Variants in RALGPS1 observed in about 807,000 individuals in gnomAD.
RALGPS1 encodes the protein ras-specific guanine nucleotide-releasing factor RalGPS1.
RALGPS1 carries 19 observed loss-of-function variants against 78.8 expected under a neutral mutation model. The observed-to-expected ratio is 0.24, with a 90% CI of 0.17 to 0.35. RALGPS1 has a LOEUF of 0.35. Ranked by LOEUF, RALGPS1 falls within the 10% of genes least tolerant of loss-of-function variation. The probability of loss-of-function intolerance (pLI) is 1.00; values close to 1 mark genes in which losing one functional copy is unlikely to be tolerated. For synonymous variants in RALGPS1, 228 were observed against 256.3 expected (o/e 0.89, Z 1.06); for missense variants, 454 against 688.3 (o/e 0.66, Z 3.81).
At chr9:127,050,417 G>A (rs573701110) in intron 6 of RALGPS1, among the ~76,000 whole-genome samples, 18 of 152,320 alleles carry the variant, frequency 1.2e-4, no homozygotes, top group Admixed American at 3.3e-4. Context: ...CAGTCTCTCC[G>A]CAAGGCAGGA....
At chr9:127,034,309 G>C in intron 4 of RALGPS1, 122 bp from the exon 5 acceptor site, 1 of 818,980 alleles carries the variant, frequency 1.2e-6, no homozygotes, top group Non-Finnish European at 2.1e-6. Flanking sequence ...TAGTAAAGAT[G>C]GGAACAGCCA....
chr9:126,990,280 C>G, intron 4 of RALGPS1: 1 of 362,738 alleles, frequency 2.8e-6, no homozygotes, highest in Admixed American at 4.4e-5. Context: ...TAGTCTAATC[C>G]ACTGCCATCC....
At chr9:127,204,667 G>T (rs901190369) in intron 14 of RALGPS1, among the ~76,000 whole-genome samples, 1 of 152,200 alleles carries the variant, frequency 6.6e-6, no homozygotes, top group Non-Finnish European at 1.5e-5. Context: ...GTGCTGTGGG[G>T]TGGTGCTGTA....
At chr9:127,182,783 C>T (rs995788180) in intron 11 of RALGPS1, among the ~76,000 whole-genome samples, 5 of 152,082 alleles carry the variant, frequency 3.3e-5, no homozygotes, top group Non-Finnish European at 7.3e-5. Context: ...TATAGTAATG[C>T]AAATGTACTA....
At position 127,074,553 on chromosome 9, in the gene RALGPS1, C is replaced by T. The variant is rs61553612; in HGVS notation, c.610+5197C>T. ...TACCGTGAGGGTAGCCTAGTGCAGC[C>T]CACGGGTTCCACTAGCAGAGGTGTT... On this transcript the variant is annotated intron_variant, in intron 8 of 18. Coordinates refer to ENST00000259351, the MANE Select transcript of RALGPS1 (RefSeq NM_014636.3). Among the ~76,000 whole-genome samples, 1,365 of 152,300 alleles carry T rather than the reference C, an allele frequency of 9.0e-3. 24 individuals carry two copies. Among genetic ancestry groups the T allele is most frequent in the African/African-American group, 0.031 (1,295 of 41,554 alleles).
intron 4 of RALGPS1, among the ~76,000 whole-genome samples, chr9:127,019,588 A>C (rs1025520540): frequency 1.3e-5 from 2 of 152,070 alleles, no homozygotes; most frequent in African/African-American, 4.8e-5. Flanking sequence ...CGGCCTCCCA[A>C]AATGCTGGGA....
At chr9:126,960,719 T>C (rs2038830812) in intron 1 of RALGPS1, among the ~76,000 whole-genome samples, 1 of 152,160 alleles carries the variant, frequency 6.6e-6, no homozygotes, top group Non-Finnish European at 1.5e-5. Flanking sequence ...GGGCTAGATC[T>C]TGCTCTCCAG....
chr9:126,931,912 C>T (rs1225088158), intron 1 of RALGPS1, among the ~76,000 whole-genome samples: 3 of 151,928 alleles, frequency 2.0e-5, no homozygotes, highest in Non-Finnish European at 2.9e-5. Flanking sequence ...AGACATTTTT[C>T]TGTGTGTCTG....
At chr9:127,068,055 C>T (rs568411862) in intron 7 of RALGPS1, among the ~76,000 whole-genome samples, 83 of 152,246 alleles carry the variant, frequency 5.5e-4, no homozygotes, top group Non-Finnish European at 9.8e-4. Flanking sequence ...CACATTGAGC[C>T]GCCATTTACA....
chr9:127,186,530 G>T (rs1438094319), intron 11 of RALGPS1, among the ~76,000 whole-genome samples: 1 of 152,274 alleles, frequency 6.6e-6, no homozygotes, highest in African/African-American at 2.4e-5. Context: ...CTGTCACGTG[G>T]TGGCCACCCC....
At chr9:126,996,255 G>T (rs1449452061) in intron 4 of RALGPS1, among the ~76,000 whole-genome samples, 1 of 152,012 alleles carries the variant, frequency 6.6e-6, no homozygotes, top group Non-Finnish European at 1.5e-5. Flanking sequence ...TGGTTTTTTT[G>T]AAAAGATCAA....
chr9:127,105,830 A>G (rs999092), intron 8 of RALGPS1, among the ~76,000 whole-genome samples: 58,486 of 152,096 alleles, frequency 0.38, 12,912 homozygotes, highest in Non-Finnish European at 0.48. Flanking sequence ...GTCAGGGACC[A>G]CAATTGTCAC....
At chr9:126,990,254 C>G in intron 4 of RALGPS1, 2 of 474,174 alleles carry the variant, frequency 4.2e-6, no homozygotes, top group African/African-American at 2.0e-5. Flanking sequence ...GACCATCTCT[C>G]TCTGCTACAC....
intron 3 of RALGPS1, among the ~76,000 whole-genome samples, chr9:126,976,786 C>A (rs937001749): frequency 6.6e-6 from 1 of 152,184 alleles, no homozygotes; most frequent in Non-Finnish European, 1.5e-5. Context: ...GTCACAGAGG[C>A]ATCTCTTAAC....
intron 8 of RALGPS1, chr9:127,088,081 G>A (rs189408102): frequency 6.5e-6 from 1 of 152,762 alleles, no homozygotes; most frequent in Admixed American, 6.5e-5. Flanking sequence ...GACAGAAAAG[G>A]CAAGGAGTAG....
chr9:127,109,611 C>G (rs954297731), intron 8 of RALGPS1, among the ~76,000 whole-genome samples: 10 of 152,234 alleles, frequency 6.6e-5, no homozygotes, highest in African/African-American at 2.4e-4. Flanking sequence ...GAATGTGTCT[C>G]CAGATTTGCT....
intron 8 of RALGPS1, among the ~76,000 whole-genome samples, chr9:127,078,692 G>A (rs555956130): frequency 7.2e-5 from 11 of 152,218 alleles, no homozygotes; most frequent in African/African-American, 2.6e-4. Context: ...CTTTTCTCTG[G>A]GTCAAGAAGT....
At chr9:127,194,676 T>TTG (rs2061259118) in intron 11 of RALGPS1, among the ~76,000 whole-genome samples, 1 of 152,112 alleles carries the variant, frequency 6.6e-6, no homozygotes, top group African/African-American at 2.4e-5. Context: ...GCCTCCCAAA[T>TTG]TGCTGGGATT....
intron 4 of RALGPS1, among the ~76,000 whole-genome samples, chr9:127,006,638 A>G (rs1327201334): frequency 2.0e-5 from 3 of 152,222 alleles, no homozygotes; most frequent in Non-Finnish European, 4.4e-5. Context: ...AATATTTCCA[A>G]CACTAATATA....
Sources: allele counts gnomAD v4.1 joint callset (sites outside exome capture counted in the v4.1 genomes callset), GRCh38; gene constraint gnomAD v4.1.1; transcripts MANE v1.5; gene names NCBI Gene and HGNC (gene_info 2026-07-23, HGNC 2026-07-21).